TMEM132D: variants seen among roughly 807,000 people sequenced by gnomAD.
The protein encoded by TMEM132D is mature OL transmembrane protein.
TMEM132D carries 21 observed loss-of-function variants against 62.3 expected under a neutral mutation model. The observed-to-expected ratio is 0.34, with a 90% confidence interval of 0.24 to 0.49. The LOEUF (loss-of-function observed/expected upper bound fraction) is 0.49, where lower values mean the gene tolerates loss of function less well. Ranked by LOEUF, TMEM132D falls within the 20% of genes least tolerant of loss-of-function variation. TMEM132D has a pLI of 0.99. For missense variants in TMEM132D, 1,346 were observed against 1,402.8 expected (o/e 0.96, Z 0.65); for synonymous variants, 621 against 575.6 (o/e 1.08, Z -1.13).
intron 4 of TMEM132D, among the ~76,000 whole-genome samples, chr12:129,267,308 C>A (rs559752038): frequency 6.6e-6 from 1 of 152,294 alleles, no homozygotes; most frequent in African/African-American, 2.4e-5. Context: ...CCAAAATCTC[C>A]TTAAGCTGAT....
intron 2 of TMEM132D, among the ~76,000 whole-genome samples, chr12:129,580,893 A>G (rs920755743): frequency 1.3e-5 from 2 of 152,184 alleles, no homozygotes; most frequent in African/African-American, 4.8e-5. Flanking sequence ...TCAGATAATG[A>G]TTAATGATTT....
chr12:129,525,306 T>G (rs192186059), intron 3 of TMEM132D, among the ~76,000 whole-genome samples: 2 of 145,290 alleles, frequency 1.4e-5, no homozygotes, highest in East Asian at 4.3e-4. Context: ...AACAACATCT[T>G]GGTCTGTTGT....
intron 1 of TMEM132D, among the ~76,000 whole-genome samples, chr12:129,734,701 T>C (rs1207439156): frequency 6.6e-6 from 1 of 152,116 alleles, no homozygotes; most frequent in Non-Finnish European, 1.5e-5. Flanking sequence ...ATTTAAAAAA[T>C]TAATAAATTA....
intron 3 of TMEM132D, among the ~76,000 whole-genome samples, chr12:129,454,864 T>A (rs1873416034): frequency 6.6e-6 from 1 of 152,218 alleles, no homozygotes. Flanking sequence ...TTTTCCTTGA[T>A]GAACTCCATG....
At chr12:129,320,549 G>T (rs1202057904) in intron 4 of TMEM132D, among the ~76,000 whole-genome samples, 1 of 152,186 alleles carries the variant, frequency 6.6e-6, no homozygotes, top group African/African-American at 2.4e-5. Flanking sequence ...GTAGGCAGGG[G>T]TTAGACCACG....
chr12:129,446,806 T>C (rs750510907), intron 3 of TMEM132D, among the ~76,000 whole-genome samples: 26 of 152,190 alleles, frequency 1.7e-4, no homozygotes, highest in African/African-American at 5.3e-4. Context: ...AAAAATGCTG[T>C]GGTGGTGATT....
At chr12:129,157,568 T>G (rs970938014) in intron 5 of TMEM132D, among the ~76,000 whole-genome samples, 1 of 152,260 alleles carries the variant, frequency 6.6e-6, no homozygotes, top group African/African-American at 2.4e-5. Flanking sequence ...GAAAATATGA[T>G]GTAAACACAA....
At chr12:129,167,150 ACT>A (rs1353931178) in intron 5 of TMEM132D, among the ~76,000 whole-genome samples, 5 of 131,584 alleles carry the variant, frequency 3.8e-5, no homozygotes, top group African/African-American at 6.6e-5. Flanking sequence ...ATAGAGTGAG[ACT>A]CTGTTTAAAA....
chr12:129,854,906 T>A (rs993740204), intron 1 of TMEM132D: 2 of 152,262 alleles, frequency 1.3e-5, no homozygotes, highest in African/African-American at 2.4e-5. Context: ...CCAGATGACT[T>A]TTCAGAAGGC....
chr12:129,696,358 T>G (rs1371416762), intron 2 of TMEM132D, among the ~76,000 whole-genome samples: 2 of 152,238 alleles, frequency 1.3e-5, no homozygotes, highest in African/African-American at 4.8e-5. Context: ...CATTTAAAAC[T>G]GCAGAGACCT....
intron 4 of TMEM132D, among the ~76,000 whole-genome samples, chr12:129,238,103 CT>C (rs1328141494): frequency 6.6e-6 from 1 of 152,170 alleles, no homozygotes; most frequent in East Asian, 1.9e-4. Context: ...GTCTCTTCCC[CT>C]GTCCTAGTCC....
At chr12:129,836,636 T>C (rs1311766596) in intron 1 of TMEM132D, among the ~76,000 whole-genome samples, 3 of 152,142 alleles carry the variant, frequency 2.0e-5, no homozygotes, top group African/African-American at 4.8e-5. Context: ...GTAGTGTTTC[T>C]ATAACAACAT....
At chr12:129,649,430 C>T (rs973126284) in intron 2 of TMEM132D, among the ~76,000 whole-genome samples, 1 of 152,086 alleles carries the variant, frequency 6.6e-6, no homozygotes, top group Non-Finnish European at 1.5e-5. Context: ...GGGTAAAATA[C>T]GGCATGAAAT....
intron 2 of TMEM132D, among the ~76,000 whole-genome samples, chr12:129,553,066 C>A (rs1876945144): frequency 6.6e-6 from 1 of 152,196 alleles, no homozygotes; most frequent in African/African-American, 2.4e-5. Context: ...ACAGCATCCA[C>A]CGGAGCAGCT....
chr12:129,580,755 A>C (rs12307359), intron 2 of TMEM132D, among the ~76,000 whole-genome samples: 53,525 of 151,814 alleles, frequency 0.35, 10,093 homozygotes, highest in Non-Finnish European at 0.41. Flanking sequence ...ATAAATAAAT[A>C]AATCACTGTC....
chr12:129,227,178 A>G (rs1345441389), intron 4 of TMEM132D, among the ~76,000 whole-genome samples: 1 of 151,728 alleles, frequency 6.6e-6, no homozygotes, highest in Admixed American at 6.6e-5. Context: ...TGACATCCTC[A>G]AGCATGTGGC....
At chr12:129,241,951 C>T (rs1879949839) in intron 4 of TMEM132D, among the ~76,000 whole-genome samples, 1 of 152,106 alleles carries the variant, frequency 6.6e-6, no homozygotes. Flanking sequence ...GAAAAAAATG[C>T]ATTGGACCCT....
Position 129,190,130 on chromosome 12 carries a change from AGATGGAGGGAGGGG to A in TMEM132D, c.1443+19376_1443+19389del, listed in dbSNP as rs1345832840. Reference sequence around the variant, plus strand: ...GGAGGGAGGGGTCTTGGGGGCCTGCAGATGGAGGGAGGGGGTCTCAGGCCTGCAGATGGAGGGAG... The same window carrying A: ...GGAGGGAGGGGTCTTGGGGGCCTGCAGTCTCAGGCCTGCAGATGGAGGGAG... On this transcript the variant is annotated intron_variant, in intron 5 of 8. Coordinates refer to ENST00000422113, the MANE Select transcript of TMEM132D (RefSeq NM_133448.3). Among the ~76,000 whole-genome samples, 73 of 35,930 alleles carry A rather than the reference AGATGGAGGGAGGGG, an allele frequency of 2.0e-3. 2 individuals carry two copies. The highest frequency in any genetic ancestry group is 8.4e-3 in the East Asian group (5 of 594). The allele number at this position is 35,930 out of a possible 152,430, so 23.6% of individuals were successfully genotyped here.
intron 1 of TMEM132D, among the ~76,000 whole-genome samples, chr12:129,895,219 G>A (rs940679781): frequency 2.0e-5 from 3 of 152,180 alleles, no homozygotes; most frequent in Non-Finnish European, 1.5e-5. Context: ...CAGTGCTGGG[G>A]TGAGCGCTAA....
Sources: gnomAD v4.1 joint callset for allele counts (sites outside exome capture counted in the v4.1 genomes callset) on GRCh38, gnomAD v4.1.1 for gene constraint, MANE v1.5 for transcripts, NCBI Gene and HGNC (gene_info 2026-07-23, HGNC 2026-07-21) for gene names.